Variants in PPP6R2 observed in about 807,000 individuals in gnomAD.
The protein encoded by PPP6R2 is serine/threonine-protein phosphatase 6 regulatory subunit 2.
Under a neutral mutation model 100.2 loss-of-function variants are expected in PPP6R2, and 62 were observed. The observed-to-expected ratio is 0.62, with a 90% CI of 0.50 to 0.76. PPP6R2 has a LOEUF of 0.76. PPP6R2 is among the 30% of genes least tolerant of loss of function. The probability of loss-of-function intolerance (pLI) is 0.00; values close to 1 mark genes in which losing one functional copy is unlikely to be tolerated. For missense variants in PPP6R2, 1,142 were observed against 1,276.3 expected, an observed-to-expected ratio of 0.89 and a Z score of 1.60; for synonymous variants, 525 against 514.7, an observed-to-expected ratio of 1.02 and a Z score of -0.27.
intron 3 of PPP6R2, among the ~76,000 whole-genome samples, chr22:50,399,573 T>C (rs1233077878): frequency 6.6e-6 from 1 of 152,268 alleles, no homozygotes; most frequent in Non-Finnish European, 1.5e-5. Context: ...GGGAGGACTC[T>C]TCTTGAAAGT....
intron 1 of PPP6R2, among the ~76,000 whole-genome samples, chr22:50,368,591 T>G (rs866459515): frequency 1.1e-4 from 17 of 152,174 alleles, no homozygotes; most frequent in African/African-American, 4.1e-4. Flanking sequence ...AGTATAACTA[T>G]TCTTACTTTA....
intron 19 of PPP6R2, 92 bp from the exon 20 acceptor site, chr22:50,439,609 T>C: frequency 7.2e-7 from 1 of 1,386,832 alleles, no homozygotes; most frequent in South Asian, 1.5e-5. Context: ...TGTCAACCTC[T>C]GAGGGGCTCC....
chr22:50,383,371 G>A (rs2053535266), intron 2 of PPP6R2, among the ~76,000 whole-genome samples: 1 of 152,114 alleles, frequency 6.6e-6, no homozygotes, highest in Non-Finnish European at 1.5e-5. Flanking sequence ...TCTGCTGTTT[G>A]GGTAAAGAAT....
chr22:50,338,017 G>T, the PPP6R2 span, among the ~76,000 whole-genome samples: 289 of 143,534 alleles, frequency 2.0e-3, 4 homozygotes, highest in East Asian at 0.051. Flanking sequence ...AGTGTGTGTG[G>T]GGGGTATGTG....
At chr22:50,394,410 C>T (rs1424184024) in intron 3 of PPP6R2, among the ~76,000 whole-genome samples, 2 of 150,256 alleles carry the variant, frequency 1.3e-5, no homozygotes, top group African/African-American at 4.9e-5. Flanking sequence ...GCCTGGGCAA[C>T]ATAGTGCGAC....
chr22:50,444,394 T>C lies in PPP6R2; in HGVS notation c.*147T>C, dbSNP rs2148524200. ...GGTAAAGCTGGCAGTTGAAACCAGTTGGACGGCCCAGCTTGCGTCTCTTCT... is the reference window on the plus strand; with the variant it reads ...GGTAAAGCTGGCAGTTGAAACCAGTCGGACGGCCCAGCTTGCGTCTCTTCT... On this transcript the variant is annotated 3_prime_UTR_variant, in exon 24 of 24. Transcript: ENST00000612753. 1 of 1,096,026 alleles carries C rather than the reference T, an allele frequency of 9.1e-7. No homozygotes were observed. The highest frequency in any genetic ancestry group is 1.5e-5 in the South Asian group (1 of 65,896). The allele number at this position is 1,096,026 out of a possible 1,614,324, so 67.9% of individuals were successfully genotyped here.
intron 1 of PPP6R2, among the ~76,000 whole-genome samples, chr22:50,370,756 C>A (rs2050012841): frequency 6.6e-6 from 1 of 151,988 alleles, no homozygotes; most frequent in African/African-American, 2.4e-5. Context: ...GCCTCAGCCT[C>A]CCGAGTAGCT....
At chr22:50,375,228 T>A (rs1222622545) in intron 2 of PPP6R2, among the ~76,000 whole-genome samples, 1 of 151,894 alleles carries the variant, frequency 6.6e-6, no homozygotes, top group African/African-American at 2.4e-5. Context: ...TACCTTCTAC[T>A]CCCCCACCCT....
chr22:50,433,377 C>A (rs890093030), intron 12 of PPP6R2, among the ~76,000 whole-genome samples: 1 of 80,622 alleles, frequency 1.2e-5, no homozygotes, highest in Non-Finnish European at 2.5e-5. Context: ...GGGCAGGGGC[C>A]GGGCATTTGC....
At chr22:50,393,841 G>A in intron 2 of PPP6R2, 52 bp from the exon 3 acceptor site, 1 of 1,604,936 alleles carries the variant, frequency 6.2e-7, no homozygotes, top group Non-Finnish European at 8.5e-7. Context: ...TAGTGTTGCT[G>A]AAGGTGGATT....
At chr22:50,339,260 GA>G (rs2042340714), upstream of PPP6R2, among the ~76,000 whole-genome samples, 2 of 121,728 alleles carry the variant, frequency 1.6e-5, no homozygotes, top group South Asian at 2.6e-4. Context: ...TGTGTTGTGT[GA>G]TTGTGTGGTG....
At chr22:50,437,964 T>C (rs2064746721) in intron 17 of PPP6R2, 64 bp downstream of exon 17, 1 of 1,559,450 alleles carries the variant, frequency 6.4e-7, no homozygotes, top group Admixed American at 1.9e-5. Flanking sequence ...GCCATGCCCA[T>C]GGCTCGGTCT....
chr22:50,338,598 GGT>G (rs550755375), upstream of PPP6R2, among the ~76,000 whole-genome samples: 279 of 129,406 alleles, frequency 2.2e-3, 2 homozygotes, highest in African/African-American at 8.0e-3. Flanking sequence ...TGTGGTGTGT[GGT>G]GTGTGTGGTA....
rs201201978 is a variant in PPP6R2, at chr22:50,422,391, G to T, written c.972+11G>T. On this transcript the variant is annotated intron_variant, in intron 9 of 23. Coordinates refer to ENST00000612753, the MANE Select transcript of PPP6R2 (RefSeq NM_001242898.2). ...CTCAACCCGCCCAAGGTAAATGGCC[G>T]TGGCGACTGCTGAGTGCCTTTGGAG... 6.2e-7 allele frequency: 1 copy of T among 1,613,486 alleles called. No individual in the cohort carries two copies. Among genetic ancestry groups the T allele is most frequent in the Admixed American group, 1.7e-5 (1 of 59,944 alleles).
chr22:50,404,932 TC>T (rs1430798918), intron 3 of PPP6R2, among the ~76,000 whole-genome samples: 1 of 152,172 alleles, frequency 6.6e-6, no homozygotes, highest in African/African-American at 2.4e-5. Context: ...GAGGGCTGCG[TC>T]CTGGGCTGTG....
intron 1 of PPP6R2, among the ~76,000 whole-genome samples, chr22:50,359,304 T>C (rs550368292): frequency 3.3e-5 from 5 of 149,904 alleles, no homozygotes; most frequent in South Asian, 4.3e-4. Flanking sequence ...CTGCAAGCTC[T>C]GCCTCCCGGC....
At chr22:50,361,888 C>T (rs1337400383) in intron 1 of PPP6R2, among the ~76,000 whole-genome samples, 2 of 152,090 alleles carry the variant, frequency 1.3e-5, no homozygotes, top group African/African-American at 4.8e-5. Flanking sequence ...TTGGAGGCAT[C>T]TGGTATTAGT....
intron 2 of PPP6R2, among the ~76,000 whole-genome samples, chr22:50,381,293 C>T (rs368241292): frequency 7.2e-4 from 92 of 127,596 alleles, no homozygotes; most frequent in African/African-American, 1.4e-3. Context: ...CGGGCCCCAC[C>T]TCAGCACCAC....
chr22:50,404,364 G>A (rs969040526), intron 3 of PPP6R2, among the ~76,000 whole-genome samples: 5 of 151,728 alleles, frequency 3.3e-5, no homozygotes, highest in East Asian at 3.9e-4. Flanking sequence ...CAAAGTGCTG[G>A]GATTACAGGT....
Sources: allele counts gnomAD v4.1 joint callset (sites outside exome capture counted in the v4.1 genomes callset), GRCh38; gene constraint gnomAD v4.1.1; transcripts MANE v1.5; gene names NCBI Gene and HGNC (gene_info 2026-07-23, HGNC 2026-07-21).